The following NCOR1 variants were observed in gnomAD, a reference collection of about 807,000 sequenced individuals.
NCOR1 encodes nuclear receptor corepressor 1.
Under a neutral mutation model 288.1 loss-of-function variants are expected in NCOR1, and 63 were observed. The observed-to-expected ratio is 0.22, with a 90% CI of 0.18 to 0.27. The LOEUF (loss-of-function observed/expected upper bound fraction) is 0.27. NCOR1 is among the 10% of genes least tolerant of loss of function. NCOR1 has a pLI of 1.00. For synonymous variants in NCOR1, 1,007 were observed against 1,065.9 expected (o/e 0.94, Z 1.08); for missense variants, 2,397 against 3,019.2 (o/e 0.79, Z 4.83).
intron 15 of NCOR1, among the ~76,000 whole-genome samples, chr17:16,125,499 T>C (rs2073855458): frequency 6.6e-6 from 1 of 151,988 alleles, no homozygotes; most frequent in South Asian, 2.1e-4. Flanking sequence ...GGTCAGGAGA[T>C]GGAGACCATC....
At chr17:16,077,633 G>A (rs2062762446) in intron 26 of NCOR1, among the ~76,000 whole-genome samples, 1 of 149,618 alleles carries the variant, frequency 6.7e-6, no homozygotes, top group Non-Finnish European at 1.5e-5. Flanking sequence ...GGGAGGAAGG[G>A]AAAAGAAAAG....
At chr17:16,141,688 A>C (rs1244213927) in intron 11 of NCOR1, among the ~76,000 whole-genome samples, 1 of 152,188 alleles carries the variant, frequency 6.6e-6, no homozygotes, top group Non-Finnish European at 1.5e-5. Context: ...CAACTGTCTC[A>C]CAAGTAATTT....
chr17:16,171,850 C>T lies in NCOR1; in HGVS notation c.388G>A (p.Val130Met). The T allele has an allele frequency of 2.5e-6, 4 of 1,611,622 alleles. No individual in the cohort carries two copies. Among genetic ancestry groups the T allele is most frequent in the Non-Finnish European group, 3.4e-6 (4 of 1,179,010 alleles). The part of the protein sequence containing the change: ...QRVSAAVLPL[V>M]HPLPEGLRAS... ...CTCAGCCCTTCTGGCAGCGGGTGCA[C>T]TAAAGGCAAAACCGCAGCACTGACA... Residue 130 changes from valine (V) to methionine (M), a missense_variant, in exon 4 of 46, where the codon GTG becomes ATG. By Grantham distance (21) the Val-to-Met change is conservative. Transcript: ENST00000268712.
intron 26 of NCOR1, among the ~76,000 whole-genome samples, chr17:16,077,878 T>TA (rs1236265055): frequency 1.3e-5 from 2 of 152,206 alleles, no homozygotes; most frequent in African/African-American, 4.8e-5. Flanking sequence ...AATAAGATGA[T>TA]AAAGTAGTTT....
chr17:16,114,181 G>A (rs1452047094), intron 18 of NCOR1, among the ~76,000 whole-genome samples: 1 of 142,096 alleles, frequency 7.0e-6, no homozygotes, highest in Non-Finnish European at 1.5e-5. Flanking sequence ...TTGTGCAGGG[G>A]AACTCCTCTT....
intron 9 of NCOR1, 124 bp from the exon 10 acceptor site, chr17:16,146,672 A>G: frequency 4.8e-6 from 4 of 828,310 alleles, no homozygotes; most frequent in Non-Finnish European, 7.0e-6. Context: ...TTATGACTCA[A>G]CTGTGAACGA....
At chr17:16,144,883 C>T (rs1276362982) in intron 10 of NCOR1, among the ~76,000 whole-genome samples, 1 of 150,842 alleles carries the variant, frequency 6.6e-6, no homozygotes, top group Non-Finnish European at 1.5e-5. Flanking sequence ...CCTCCCTCTC[C>T]CCTTCTCCCG....
chr17:16,033,707 TAA>T (rs1973070782), intron 45 of NCOR1, among the ~76,000 whole-genome samples: 2 of 152,232 alleles, frequency 1.3e-5, no homozygotes, highest in African/African-American at 4.8e-5. Context: ...TTACATACAT[TAA>T]GTTTACAAAT....
intron 44 of NCOR1, 166 bp downstream of exon 44, chr17:16,039,267 T>G (rs746252949): frequency 2.4e-4 from 153 of 640,304 alleles, no homozygotes; most frequent in Non-Finnish European, 3.2e-4. Context: ...TATTATAATG[T>G]CTGGGTAGGT....
chr17:16,080,704 A>G lies in NCOR1; in HGVS notation c.3201T>C (p.Thr1067=). Residue 1067 remains threonine (T), a synonymous_variant, in exon 24 of 46, where the codon ACT becomes ACC. Coordinates refer to ENST00000268712, the MANE Select transcript of NCOR1 (RefSeq NM_006311.4). ...GAGTGTAGGAAGCCTGATTATGAGA[A>G]GTCAAATAAGTGCCTGGTGTTCCCT... ...ISQGTPGTYL[T]SHNQASYTQE... 1.9e-6 allele frequency: 3 copies of G among 1,613,668 alleles called. No homozygotes were observed. Among genetic ancestry groups the G allele is most frequent in the Non-Finnish European group, 2.5e-6 (3 of 1,179,676 alleles).
At chr17:16,116,632 GA>G (rs1403048463) in intron 18 of NCOR1, among the ~76,000 whole-genome samples, 1 of 152,144 alleles carries the variant, frequency 6.6e-6, no homozygotes, top group Admixed American at 6.5e-5. Context: ...GACATTCCAT[GA>G]AAAAGGGGAG....
chr17:16,092,701 T>A (rs1162108071), intron 21 of NCOR1, among the ~76,000 whole-genome samples: 128 of 50,512 alleles, frequency 2.5e-3, no homozygotes, highest in East Asian at 0.012. Flanking sequence ...ATATATTTTT[T>A]TTTTTTTTTT....
chr17:16,052,069 C>T (rs1005057883), intron 40 of NCOR1, among the ~76,000 whole-genome samples: 5 of 152,070 alleles, frequency 3.3e-5, no homozygotes, highest in Non-Finnish European at 5.9e-5. Context: ...AGTGCGGTGG[C>T]GCGATCTTGG....
chr17:16,091,831 A>C, intron 22 of NCOR1, 32 bp downstream of exon 22: 1 of 1,613,122 alleles, frequency 6.2e-7, no homozygotes, highest in South Asian at 1.1e-5. Context: ...CCCTTCATAA[A>C]AGTTCTCTTG....
At chr17:16,115,723 A>G (rs933102543) in intron 18 of NCOR1, among the ~76,000 whole-genome samples, 3 of 152,154 alleles carry the variant, frequency 2.0e-5, no homozygotes, top group African/African-American at 7.2e-5. Context: ...CCTGGACCTT[A>G]TTGTTCATAT....
chr17:16,049,919 T>C (rs1301069451), intron 40 of NCOR1, among the ~76,000 whole-genome samples: 1 of 151,972 alleles, frequency 6.6e-6, no homozygotes, highest in East Asian at 1.9e-4. Flanking sequence ...AGAGACAGGG[T>C]CCCGCTCGTT....
chr17:16,163,206 AAGGATACTACC>A (rs1259956767), intron 5 of NCOR1, among the ~76,000 whole-genome samples: 6 of 152,158 alleles, frequency 3.9e-5, no homozygotes, highest in African/African-American at 1.4e-4. Context: ...TTATACATCA[AAGGATACTACC>A]AGGAAAGTGA....
At position 16,073,705 on chromosome 17, in the gene NCOR1, A is replaced by G. The variant is rs527646053; in HGVS notation, c.3671-136T>C. 5.8e-5 allele frequency: 40 copies of G among 684,170 alleles called. 1 individual carries two copies. In the South Asian group the frequency reaches 2.0e-3, roughly 35 times the overall value. 42.4% of individuals were successfully genotyped at this position (684,170 alleles called of 1,614,324 possible). A position where few individuals can be genotyped will look rare whatever the true frequency, so the allele number is the denominator to read the frequency against. The stretch of plus-strand genomic sequence containing the variant: ...TCTTAACCTACAATAAAATATGTGT[A>G]GATGATTCATGAAAATATTTTCACT... On this transcript the variant is annotated intron_variant, in intron 27 of 45. Coordinates refer to ENST00000268712, the MANE Select transcript of NCOR1 (RefSeq NM_006311.4).
intron 22 of NCOR1, chr17:16,087,196 C>T: frequency 3.1e-6 from 4 of 1,304,116 alleles, no homozygotes; most frequent in Non-Finnish European, 3.0e-6. Context: ...TAGCGGGCTG[C>T]ACTCATATCA....
Sources: gnomAD v4.1 joint callset for allele counts (sites outside exome capture counted in the v4.1 genomes callset) on GRCh38, gnomAD v4.1.1 for gene constraint, MANE v1.5 for transcripts, NCBI Gene and HGNC (gene_info 2026-07-23, HGNC 2026-07-21) for gene names.